The following MICU1 variants were observed in gnomAD, a reference collection of about 807,000 sequenced individuals.
The protein encoded by MICU1 is calcium uptake protein 1, mitochondrial.
A neutral mutation model predicts 56.8 loss-of-function variants in MICU1; 45 were observed. The ratio of observed to expected loss-of-function variants is 0.79; its 90% CI spans 0.62 to 1.02. The LOEUF is 1.02. Ranked by LOEUF, MICU1 falls within the 50% of genes least tolerant of loss-of-function variation. The probability of loss-of-function intolerance (pLI) is 0.00; values close to 1 mark genes in which losing one functional copy is unlikely to be tolerated. For synonymous variants in MICU1, 186 were observed against 195.1 expected (o/e 0.95, Z 0.39); for missense variants, 504 against 587.1 (o/e 0.86, Z 1.46).
intron 4 of MICU1, among the ~76,000 whole-genome samples, chr10:72,536,087 A>G (rs779910459): frequency 1.5e-4 from 23 of 152,112 alleles, no homozygotes; most frequent in Non-Finnish European, 3.2e-4. Flanking sequence ...ACTAGAAAAG[A>G]TTTGTTAAAG....
chr10:72,475,084 T>A lies in MICU1; in HGVS notation c.933+16A>T. ...TTCCACATGTGATGGATCTACTGAG[T>A]CTAAGGAAGACCTACCTCAAGCTTC... On this transcript the variant is annotated intron_variant, in intron 8 of 11. Transcript: ENST00000361114. 6.3e-7 allele frequency: 1 copy of A among 1,598,708 alleles called. No individual in the cohort carries two copies. The highest frequency in any genetic ancestry group is 8.5e-7 in the Non-Finnish European group (1 of 1,171,984).
At chr10:72,451,703 C>G (rs1865304461) in intron 8 of MICU1, among the ~76,000 whole-genome samples, 1 of 151,936 alleles carries the variant, frequency 6.6e-6, no homozygotes, top group African/African-American at 2.4e-5. Context: ...CCACTGTACT[C>G]AGCTAATTTT....
At chr10:72,572,876 G>A (rs1233783521) in intron 1 of MICU1, among the ~76,000 whole-genome samples, 1 of 151,944 alleles carries the variant, frequency 6.6e-6, no homozygotes, top group African/African-American at 2.4e-5. Context: ...ATTTATGGTG[G>A]GCAATTTGGT....
chr10:72,562,937 T>C lies in MICU1; in HGVS notation c.288A>G (p.Pro96=), dbSNP rs1469202251. 5.6e-6 allele frequency: 9 copies of C among 1,605,762 alleles called. No individual in the cohort carries two copies. The highest frequency in any genetic ancestry group is 7.6e-6 in the Non-Finnish European group (9 of 1,176,994). ...EKKTADLAPH[P]EEKKKKRSGF... ...CAGAACGTTTCTTCTTTTTCTCTTC[T>C]GGGTGAGGGGCAAGATCTGCAGTCT... Residue 96 remains proline, a synonymous_variant, in exon 3 of 12, where the codon CCA becomes CCG. Coordinates refer to ENST00000361114, the MANE Select transcript of MICU1 (RefSeq NM_001195518.2).
chr10:72,529,574 A>C (rs558584911), intron 5 of MICU1, among the ~76,000 whole-genome samples: 4 of 152,304 alleles, frequency 2.6e-5, no homozygotes, highest in African/African-American at 9.6e-5. Flanking sequence ...TTTGATGTGG[A>C]GAAAGTTGTC....
rs1862188282 is a variant in MICU1 at position 72,367,557 on chromosome 10, G to C, written c.*638C>G. The stretch of plus-strand genomic sequence containing the variant: ...GGGAGGCTGCGAGGAAGAAAAGGGA[G>C]TGCACAGAGCCATGAAGCAACTACT... On this transcript the variant is annotated 3_prime_UTR_variant, in exon 12 of 12. Coordinates refer to ENST00000361114, the MANE Select transcript of MICU1 (RefSeq NM_001195518.2). 6.6e-6 allele frequency: 1 copy of C among 152,482 alleles called. No homozygotes were observed. Among genetic ancestry groups the C allele is most frequent in the African/African-American group, 2.4e-5 (1 of 41,434 alleles). The allele number at this position is 152,482 out of a possible 1,614,324, so 9.4% of individuals were successfully genotyped here. A position where few individuals can be genotyped will look rare whatever the true frequency, so the allele number is the denominator to read the frequency against.
At chr10:72,448,028 T>C (rs1357733260) in intron 8 of MICU1, among the ~76,000 whole-genome samples, 8 of 151,552 alleles carry the variant, frequency 5.3e-5, no homozygotes, top group African/African-American at 1.7e-4. Context: ...ATTGGCTTAA[T>C]CTTATCATCC....
intron 8 of MICU1, among the ~76,000 whole-genome samples, chr10:72,442,011 T>G (rs1304570005): frequency 6.6e-6 from 1 of 152,152 alleles, no homozygotes; most frequent in Non-Finnish European, 1.5e-5. Flanking sequence ...TCTAAGTCAG[T>G]AGACTACAAT....
chr10:72,478,665 A>G (rs1452588834), intron 6 of MICU1, among the ~76,000 whole-genome samples: 1 of 152,220 alleles, frequency 6.6e-6, no homozygotes, highest in African/African-American at 2.4e-5. Flanking sequence ...CAACAGAAAC[A>G]CTTTCTGGGC....
chr10:72,383,377 A>G (rs1325422390), intron 10 of MICU1, among the ~76,000 whole-genome samples: 1 of 152,214 alleles, frequency 6.6e-6, no homozygotes, highest in Non-Finnish European at 1.5e-5. Context: ...GAGACAATCA[A>G]TGTCACTAGT....
At chr10:72,425,094 T>C (rs1382325918) in intron 8 of MICU1, among the ~76,000 whole-genome samples, 1 of 152,258 alleles carries the variant, frequency 6.6e-6, no homozygotes, top group Non-Finnish European at 1.5e-5. Flanking sequence ...TAAATGGGCA[T>C]ACTTTTTGCA....
intron 1 of MICU1, among the ~76,000 whole-genome samples, chr10:72,618,869 T>C (rs568427508): frequency 1.3e-5 from 2 of 152,372 alleles, no homozygotes; most frequent in East Asian, 3.9e-4. Context: ...TTTTGTTTTC[T>C]TTATTTTTAA....
At chr10:72,584,333 T>C (rs1420801044) in intron 1 of MICU1, among the ~76,000 whole-genome samples, 1 of 151,310 alleles carries the variant, frequency 6.6e-6, no homozygotes, top group Non-Finnish European at 1.5e-5. Context: ...AAACAAAATA[T>C]GGAAAAGAAA....
intron 4 of MICU1, among the ~76,000 whole-genome samples, chr10:72,538,382 G>C (rs1381244500): frequency 2.6e-5 from 4 of 152,096 alleles, no homozygotes; most frequent in Non-Finnish European, 5.9e-5. Flanking sequence ...GGCAATGTAA[G>C]TAGTCAATAA....
chr10:72,496,928 T>C (rs1457120087), intron 6 of MICU1, among the ~76,000 whole-genome samples: 1 of 152,214 alleles, frequency 6.6e-6, no homozygotes, highest in African/African-American at 2.4e-5. Flanking sequence ...TCTTACTATA[T>C]GCCAGACAAT....
At chr10:72,377,275 A>T (rs1418291242) in intron 10 of MICU1, among the ~76,000 whole-genome samples, 1 of 151,920 alleles carries the variant, frequency 6.6e-6, no homozygotes, top group African/African-American at 2.4e-5. Context: ...GCCTGCCATC[A>T]CGCCTGGCTA....
chr10:72,578,049 G>A (rs1034129604), intron 1 of MICU1, among the ~76,000 whole-genome samples: 4 of 152,086 alleles, frequency 2.6e-5, no homozygotes, highest in Admixed American at 1.3e-4. Flanking sequence ...ATCAATCGGC[G>A]TCCTATGTTA....
intron 6 of MICU1, among the ~76,000 whole-genome samples, chr10:72,498,905 A>G (rs1866939801): frequency 6.6e-6 from 1 of 152,204 alleles, no homozygotes; most frequent in African/African-American, 2.4e-5. Flanking sequence ...GCATAGCCCC[A>G]TCTTGACTAT....
At chr10:72,614,257 C>T (rs1841926611) in intron 1 of MICU1, among the ~76,000 whole-genome samples, 1 of 151,570 alleles carries the variant, frequency 6.6e-6, no homozygotes, top group Non-Finnish European at 1.5e-5. Flanking sequence ...AAAATGAAAC[C>T]CTTGTACACT....
Sources: gnomAD v4.1 joint callset for allele counts (sites outside exome capture counted in the v4.1 genomes callset) on GRCh38, gnomAD v4.1.1 for gene constraint, MANE v1.5 for transcripts, NCBI Gene and HGNC (gene_info 2026-07-23, HGNC 2026-07-21) for gene names.